The following ADGRL2 variants were observed in gnomAD, a reference collection of about 807,000 sequenced individuals.
The protein encoded by ADGRL2 is calcium-independent alpha-latrotoxin receptor 2.
Under a neutral mutation model 157.4 loss-of-function variants are expected in ADGRL2, and 44 were observed. The observed-to-expected ratio is 0.28, with a 90% CI of 0.22 to 0.36. ADGRL2 has a LOEUF of 0.36. Among genes scored for constraint, ADGRL2 ranks in the 10% least tolerant of loss-of-function variants. ADGRL2 has a pLI of 1.00. For synonymous variants in ADGRL2, 585 were observed against 624.7 expected, an observed-to-expected ratio of 0.94 and a Z score of 0.95; for missense variants, 1,510 against 1,768.9, an observed-to-expected ratio of 0.85 and a Z score of 2.63.
At chr1:81,402,811 A>G (rs566489080) in intron 1 of ADGRL2, among the ~76,000 whole-genome samples, 1 of 152,278 alleles carries the variant, frequency 6.6e-6, no homozygotes, top group East Asian at 1.9e-4. Context: ...GTCTTTATTC[A>G]AGCTCCCACC....
intron 1 of ADGRL2, among the ~76,000 whole-genome samples, chr1:81,374,563 C>T (rs531937868): frequency 5.9e-5 from 1 of 16,824 alleles, no homozygotes; most frequent in African/African-American, 1.6e-4. Context: ...CAGAGTGAGA[C>T]TCCATCTCAA....
At chr1:81,579,846 T>C (rs548018559) in intron 2 of ADGRL2, among the ~76,000 whole-genome samples, 1 of 152,192 alleles carries the variant, frequency 6.6e-6, no homozygotes, top group Non-Finnish European at 1.5e-5. Flanking sequence ...GCACAGCTTT[T>C]TTTTTTACAT....
intron 2 of ADGRL2, among the ~76,000 whole-genome samples, chr1:81,902,618 G>A (rs935486481): frequency 2.0e-5 from 3 of 151,786 alleles, no homozygotes; most frequent in Non-Finnish European, 4.4e-5. Context: ...AAAACAAAGG[G>A]TGGGGGGCAG....
intron 2 of ADGRL2, among the ~76,000 whole-genome samples, chr1:81,883,387 C>G (rs1031182101): frequency 6.6e-6 from 1 of 152,236 alleles, no homozygotes; most frequent in East Asian, 1.9e-4. Context: ...TGATCATGTT[C>G]TTCTCACATC....
At chr1:81,374,441 G>A (rs1188828988) in intron 1 of ADGRL2, among the ~76,000 whole-genome samples, 7 of 151,882 alleles carry the variant, frequency 4.6e-5, no homozygotes, top group South Asian at 4.2e-4. Flanking sequence ...ACGTGGTGGC[G>A]GGCACCTGTA....
Position 81,622,330 on chromosome 1 carries a change from C to T in ADGRL2, c.-143+41350C>T, listed in dbSNP as rs369666581. Among the ~76,000 whole-genome samples, 104 of 152,262 alleles carry T rather than the reference C, an allele frequency of 6.8e-4. 1 individual carries two copies. Among genetic ancestry groups the T allele is most frequent in the African/African-American group, 2.3e-3 (95 of 41,562 alleles). ...GGGCACGGTAGCTCATGCCTGTAATCCCAGCACTTTGGGAGGCCGAGGCTG... is the reference window on the plus strand; with the variant it reads ...GGGCACGGTAGCTCATGCCTGTAATTCCAGCACTTTGGGAGGCCGAGGCTG... On this transcript the variant is annotated intron_variant, in intron 3 of 24. Coordinates refer to the ADGRL2 transcript ENST00000370721.
In ADGRL2 at chr1:81,937,409, C is replaced by T. The variant is rs2095326323; in HGVS notation, c.397+572C>T. Among the ~76,000 whole-genome samples the T allele has an allele frequency of 5.3e-5, 8 of 151,822 alleles. No individual in the cohort carries two copies. In the South Asian group the frequency reaches 1.5e-3, roughly 28 times the overall value. On this transcript the variant is annotated intron_variant, in intron 4 of 23. Transcript: ENST00000686636. The stretch of plus-strand genomic sequence containing the variant: ...CATGGTTCTGTTTTTAATTTTGCAG[C>T]ATCATTTTTAAGATCCTACAGATGG...
intron 2 of ADGRL2, among the ~76,000 whole-genome samples, chr1:81,788,841 G>A (rs139685886): frequency 6.6e-6 from 1 of 151,928 alleles, no homozygotes; most frequent in African/African-American, 2.4e-5. Flanking sequence ...TCAGCCTCCC[G>A]AGTAGCTGGG....
At chr1:81,852,751 A>C (rs1206016541) in intron 2 of ADGRL2, among the ~76,000 whole-genome samples, 1 of 152,076 alleles carries the variant, frequency 6.6e-6, no homozygotes, top group East Asian at 1.9e-4. Flanking sequence ...TTAGAAAAAA[A>C]ATTAGTAAAT....
At chr1:81,938,422 T>G (rs2095340611) in intron 4 of ADGRL2, among the ~76,000 whole-genome samples, 1 of 151,752 alleles carries the variant, frequency 6.6e-6, no homozygotes, top group Admixed American at 6.6e-5. Flanking sequence ...ACTCATAAGC[T>G]ATTTCTTGTG....
intron 3 of ADGRL2, among the ~76,000 whole-genome samples, chr1:81,602,897 C>CAAA (rs35152437): frequency 3.3e-5 from 4 of 120,402 alleles, no homozygotes; most frequent in African/African-American, 6.4e-5. Context: ...GACTCTGTCT[C>CAAA]AAAAAAAAAA....
At chr1:81,780,535 AG>A (rs1478415287) in intron 2 of ADGRL2, among the ~76,000 whole-genome samples, 1 of 152,204 alleles carries the variant, frequency 6.6e-6, no homozygotes, top group Non-Finnish European at 1.5e-5. Flanking sequence ...AGTTGGCAAT[AG>A]TATCATGACT....
At chr1:81,597,294 C>A (rs1354498022) in intron 3 of ADGRL2, among the ~76,000 whole-genome samples, 1 of 152,044 alleles carries the variant, frequency 6.6e-6, no homozygotes, top group African/African-American at 2.4e-5. Context: ...ATATTACTTT[C>A]AGATATTTTC....
chr1:81,342,233 G>A (rs1317995620), intron 1 of ADGRL2, among the ~76,000 whole-genome samples: 1 of 152,120 alleles, frequency 6.6e-6, no homozygotes, highest in African/African-American at 2.4e-5. Context: ...ATGCCCAAAT[G>A]AATCTACTAA....
chr1:81,647,837 C>T (rs1191744457), intron 3 of ADGRL2, among the ~76,000 whole-genome samples: 2 of 152,152 alleles, frequency 1.3e-5, no homozygotes, highest in Non-Finnish European at 2.9e-5. Context: ...TGCCAGTACA[C>T]ATTCTGGGAA....
intron 2 of ADGRL2, among the ~76,000 whole-genome samples, chr1:81,860,116 C>T (rs2093343750): frequency 6.6e-6 from 1 of 152,026 alleles, no homozygotes; most frequent in African/African-American, 2.4e-5. Flanking sequence ...CCCAGCTACT[C>T]AGGAGGCTGA....
chr1:81,620,853 A>G (rs2081774499), intron 3 of ADGRL2, among the ~76,000 whole-genome samples: 1 of 152,242 alleles, frequency 6.6e-6, no homozygotes, highest in Non-Finnish European at 1.5e-5. Flanking sequence ...TGGAATCGTC[A>G]GACAAGGCCT....
At chr1:81,324,822 T>C (rs1372354322) in intron 1 of ADGRL2, among the ~76,000 whole-genome samples, 1 of 152,072 alleles carries the variant, frequency 6.6e-6, no homozygotes, top group Non-Finnish European at 1.5e-5. Flanking sequence ...GTTCAAGCGA[T>C]TCCCCTGCTT....
intron 1 of ADGRL2, among the ~76,000 whole-genome samples, chr1:81,370,074 C>T (rs191195362): frequency 4.0e-4 from 61 of 152,146 alleles, no homozygotes; most frequent in Admixed American, 7.2e-4. Context: ...AATGAAAACA[C>T]ACAGCTTCCT....
Sources: allele counts gnomAD v4.1 joint callset (sites outside exome capture counted in the v4.1 genomes callset), GRCh38; gene constraint gnomAD v4.1.1; transcripts MANE v1.5; gene names NCBI Gene and HGNC (gene_info 2026-07-23, HGNC 2026-07-21).